Variants in BCAS3 observed in about 807,000 individuals in gnomAD.
BCAS3 encodes the protein BCAS3 microtubule associated cell migration factor.
BCAS3 carries 53 observed loss-of-function variants against 116.1 expected under a neutral mutation model. The observed-to-expected ratio is 0.46, with a 90% CI of 0.37 to 0.57. The LOEUF (loss-of-function observed/expected upper bound fraction) is 0.57, where lower values mean the gene tolerates loss of function less well. Ranked by LOEUF, BCAS3 falls within the 20% of genes least tolerant of loss-of-function variation. The pLI is 0.00. For missense variants in BCAS3, 917 were observed against 1,165.4 expected, an observed-to-expected ratio of 0.79 and a Z score of 3.10; for synonymous variants, 391 against 408.2, an observed-to-expected ratio of 0.96 and a Z score of 0.51.
intron 22 of BCAS3, among the ~76,000 whole-genome samples, chr17:61,115,174 G>A (rs1478911788): frequency 6.6e-6 from 1 of 152,030 alleles, no homozygotes; most frequent in African/African-American, 2.4e-5. Context: ...CAGGACATAG[G>A]CATGGGCAAA....
intron 22 of BCAS3, among the ~76,000 whole-genome samples, chr17:61,357,270 T>TAAATAAATAAATAAATA (rs1568930756): frequency 2.7e-5 from 4 of 146,992 alleles, no homozygotes; most frequent in African/African-American, 7.4e-5. Flanking sequence ...ATAAATAAAT[T>TAAATAAATAAATAAATA]AATTAATTAA....
chr17:61,205,864 C>T lies in BCAS3; in HGVS notation c.2425+121300C>T, dbSNP rs574411206. 1.1e-4 allele frequency among the ~76,000 whole-genome samples: 16 copies of T among 152,212 alleles called. No individual in the cohort carries two copies. In the South Asian group the frequency reaches 1.7e-3, roughly 16 times the overall value. The stretch of plus-strand genomic sequence containing the variant: ...GTATTCTTAGGGTGTGAAACTGTTT[C>T]GGGAGCAAAAGATAAGGCAAACACA... On this transcript the variant is annotated intron_variant, in intron 22 of 23. Transcript: ENST00000407086. This position sits in a 1 kb window ranked among gnomAD's most constrained non-coding sequence, Gnocchi z 5.2.
At chr17:61,389,698 C>T (rs1026590020) in intron 23 of BCAS3, 1 of 152,296 alleles carries the variant, frequency 6.6e-6, no homozygotes, top group Non-Finnish European at 1.5e-5. Context: ...GAGCAAGGCG[C>T]TCAGGTTGTC....
At chr17:60,833,677 G>A (rs1243514966) in intron 7 of BCAS3, among the ~76,000 whole-genome samples, 6 of 152,154 alleles carry the variant, frequency 3.9e-5, no homozygotes, top group African/African-American at 9.6e-5. Context: ...TTTTTATTTC[G>A]TTCGGTACAT....
chr17:61,245,511 G>A (rs561468066), intron 22 of BCAS3: 2 of 147,914 alleles, frequency 1.4e-5, no homozygotes, highest in South Asian at 2.1e-4. Context: ...TACCACACTC[G>A]GCTTAATTTT....
At chr17:60,815,213 A>G (rs541577039) in intron 7 of BCAS3, among the ~76,000 whole-genome samples, 1 of 152,218 alleles carries the variant, frequency 6.6e-6, no homozygotes, top group Admixed American at 6.5e-5. Context: ...CAAACACTGC[A>G]TGTTCTCACT....
At chr17:60,952,401 C>G (rs943398088) in intron 14 of BCAS3, among the ~76,000 whole-genome samples, 1 of 151,928 alleles carries the variant, frequency 6.6e-6, no homozygotes, top group African/African-American at 2.4e-5. Context: ...CTCACTGCAA[C>G]CTCTGCCTCC....
At chr17:60,907,593 G>A (rs1405763523) in intron 11 of BCAS3, among the ~76,000 whole-genome samples, 5 of 152,154 alleles carry the variant, frequency 3.3e-5, no homozygotes, top group South Asian at 4.1e-4. Flanking sequence ...TCACACTTTC[G>A]TTATAGTCTG....
chr17:60,975,510 G>A (rs974093072), intron 14 of BCAS3, among the ~76,000 whole-genome samples: 1 of 152,232 alleles, frequency 6.6e-6, no homozygotes, highest in Non-Finnish European at 1.5e-5. Flanking sequence ...TGGCTAGTTA[G>A]TGTTCCTTTC....
chr17:61,193,210 C>T (rs751514694), intron 22 of BCAS3, among the ~76,000 whole-genome samples: 1 of 151,828 alleles, frequency 6.6e-6, no homozygotes, highest in African/African-American at 2.4e-5. Flanking sequence ...TGCAGTGAGC[C>T]GAGATCATGG....
intron 14 of BCAS3, among the ~76,000 whole-genome samples, chr17:60,988,503 A>G (rs888757064): frequency 2.0e-5 from 3 of 151,998 alleles, no homozygotes; most frequent in African/African-American, 7.2e-5. Flanking sequence ...AACATCTAAA[A>G]TTAAGCAGTG....
rs2048822079 is a variant in BCAS3, at chr17:61,256,891, A to G, written c.2426-111436A>G. Among the ~76,000 whole-genome samples the G allele has an allele frequency of 6.6e-6, 1 of 152,198 alleles. No homozygotes were observed. Among genetic ancestry groups the G allele is most frequent in the Non-Finnish European group, 1.5e-5 (1 of 68,036 alleles). On this transcript the variant is annotated intron_variant, in intron 22 of 23. Transcript: ENST00000407086. This position sits in a 1 kb window ranked among gnomAD's most constrained non-coding sequence, Gnocchi z 5.6. ...AAGAAAAGGTGAACCTTAGTACTGC[A>G]TATAAATAAGTCTCTGAGTAATTCC...
intron 22 of BCAS3, among the ~76,000 whole-genome samples, chr17:61,303,663 C>T (rs1266829366): frequency 2.0e-5 from 3 of 152,328 alleles, no homozygotes; most frequent in East Asian, 3.9e-4. Flanking sequence ...TGTGCACCCT[C>T]TCTTCTTTTG....
intron 7 of BCAS3, among the ~76,000 whole-genome samples, chr17:60,813,682 C>T (rs999393423): frequency 3.9e-5 from 6 of 152,092 alleles, no homozygotes; most frequent in East Asian, 1.9e-4. Flanking sequence ...TCCCAATTGT[C>T]GATTTTGTTT....
chr17:61,170,572 G>GTGA (rs1475481366), intron 22 of BCAS3, among the ~76,000 whole-genome samples: 3 of 152,148 alleles, frequency 2.0e-5, no homozygotes, highest in Non-Finnish European at 4.4e-5. Flanking sequence ...GATTACAGGC[G>GTGA]TGAGCCACCG....
intron 7 of BCAS3, among the ~76,000 whole-genome samples, chr17:60,824,757 A>G (rs948893969): frequency 1.3e-5 from 2 of 152,108 alleles, no homozygotes; most frequent in Admixed American, 6.5e-5. Context: ...TTTTCTAGTT[A>G]TGCTGTGTTG....
chr17:61,241,423 A>G lies in BCAS3; in HGVS notation c.2426-126904A>G, dbSNP rs1268941898. On this transcript the variant is annotated intron_variant, in intron 22 of 23. Transcript: ENST00000407086. The surrounding 1 kb of genome is among the most constrained non-coding windows in gnomAD (Gnocchi z 4.6). ...CAAAGTAAATAAGCTTAATAAAATA[A>G]TAGTTTGGGCCTGCGCAGTGGCTCA... Among the ~76,000 whole-genome samples, 1 of 151,952 alleles carries G rather than the reference A, an allele frequency of 6.6e-6. No individual in the cohort carries two copies. The highest frequency in any genetic ancestry group is 1.5e-5 in the Non-Finnish European group (1 of 67,990).
chr17:60,795,151 A>G (rs1429600722), intron 6 of BCAS3, among the ~76,000 whole-genome samples: 2 of 152,102 alleles, frequency 1.3e-5, no homozygotes, highest in East Asian at 3.9e-4. Context: ...ATTCCTAAGT[A>G]TTTTATTTTA....
intron 22 of BCAS3, among the ~76,000 whole-genome samples, chr17:61,310,232 C>T (rs2054190332): frequency 6.6e-6 from 1 of 152,148 alleles, no homozygotes; most frequent in African/African-American, 2.4e-5. Flanking sequence ...CCCAAGGATC[C>T]TTTGAATAAT....
Sources: allele counts gnomAD v4.1 joint callset (sites outside exome capture counted in the v4.1 genomes callset), GRCh38; gene constraint gnomAD v4.1.1; non-coding constraint Gnocchi (gnomAD v3.1); transcripts MANE v1.5; gene names NCBI Gene and HGNC (gene_info 2026-07-23, HGNC 2026-07-21).